NIPAL2: variants seen among roughly 807,000 people sequenced by gnomAD.
NIPAL2 encodes the protein NIPA like domain containing 2.
NIPAL2 carries 43 observed loss-of-function variants against 48.9 expected under a neutral mutation model. That is an observed-to-expected ratio of 0.88 (90% CI 0.69 to 1.13). NIPAL2 has a LOEUF of 1.13. Ranked by LOEUF, NIPAL2 falls within the 50% of genes most tolerant of loss-of-function variation. The pLI, the probability that NIPAL2 is intolerant of heterozygous loss-of-function variation, is 0.00. For missense variants in NIPAL2, 446 were observed against 461.4 expected (o/e 0.97, Z 0.31); for synonymous variants, 167 against 174.6 (o/e 0.96, Z 0.34).
At position 98,214,337 on chromosome 8, in the gene NIPAL2, T is replaced by C. The variant is rs147983394; in HGVS notation, c.559-1836A>G. 4.9e-3 allele frequency among the ~76,000 whole-genome samples: 749 copies of C among 152,260 alleles called. 25 individuals are homozygous for C. Among genetic ancestry groups the C allele is most frequent in the East Asian group, 0.035 (182 of 5,168 alleles). ...CGCCACCACGCCCGGCTAATTTTTGTATTTTTAGTAGAGACAGGGTTTTGC... is the reference window on the plus strand; with the variant it reads ...CGCCACCACGCCCGGCTAATTTTTGCATTTTTAGTAGAGACAGGGTTTTGC... On this transcript the variant is annotated intron_variant, in intron 5 of 10. Coordinates refer to ENST00000430223, the MANE Select transcript of NIPAL2 (RefSeq NM_001321635.2).
At chr8:98,232,309 G>A (rs1482822216) in intron 4 of NIPAL2, among the ~76,000 whole-genome samples, 2 of 152,132 alleles carry the variant, frequency 1.3e-5, no homozygotes, top group Non-Finnish European at 2.9e-5. Context: ...TGTGACTTAT[G>A]AGTTACATAG....
intron 4 of NIPAL2, among the ~76,000 whole-genome samples, chr8:98,232,642 C>T (rs1463925641): frequency 6.6e-6 from 1 of 151,974 alleles, no homozygotes; most frequent in Non-Finnish European, 1.5e-5. Flanking sequence ...ATTTATATAA[C>T]TTGGCAAAGG....
chr8:98,197,503 A>T (rs1156607004), intron 8 of NIPAL2, among the ~76,000 whole-genome samples: 3 of 152,208 alleles, frequency 2.0e-5, no homozygotes, highest in Non-Finnish European at 4.4e-5. Flanking sequence ...TGCCACATCG[A>T]TTAACTCTTT....
chr8:98,198,183 T>A (rs1810638176), intron 8 of NIPAL2, among the ~76,000 whole-genome samples: 1 of 152,188 alleles, frequency 6.6e-6, no homozygotes, highest in African/African-American at 2.4e-5. Context: ...CCACAAGAGC[T>A]CTTGGGTGAT....
intron 1 of NIPAL2, among the ~76,000 whole-genome samples, chr8:98,288,875 C>G (rs1816342705): frequency 6.6e-6 from 1 of 152,172 alleles, no homozygotes; most frequent in Non-Finnish European, 1.5e-5. Flanking sequence ...CACACAAACC[C>G]TCCCTTTCCC....
chr8:98,220,764 TC>T (rs1811813175), intron 5 of NIPAL2, among the ~76,000 whole-genome samples: 1 of 152,134 alleles, frequency 6.6e-6, no homozygotes, highest in Non-Finnish European at 1.5e-5. Context: ...GGTTAAATAC[TC>T]AGCTAGACTA....
chr8:98,285,756 C>T (rs185766910), intron 1 of NIPAL2, among the ~76,000 whole-genome samples: 1 of 151,894 alleles, frequency 6.6e-6, no homozygotes, highest in East Asian at 1.9e-4. Flanking sequence ...AACTTGCAAC[C>T]TAAAGCCTCT....
At chr8:98,206,377 A>C (rs1220371706) in intron 6 of NIPAL2, among the ~76,000 whole-genome samples, 1 of 152,086 alleles carries the variant, frequency 6.6e-6, no homozygotes, top group Non-Finnish European at 1.5e-5. Context: ...TTAAAACAGC[A>C]AGTGGTGGCC....
At chr8:98,285,849 A>G (rs1483118388) in intron 1 of NIPAL2, among the ~76,000 whole-genome samples, 1 of 152,204 alleles carries the variant, frequency 6.6e-6, no homozygotes, top group Non-Finnish European at 1.5e-5. Context: ...TAAAGAAATC[A>G]GGTCAATAGT....
intron 1 of NIPAL2, among the ~76,000 whole-genome samples, chr8:98,283,697 A>G (rs2130907480): frequency 6.6e-6 from 1 of 152,318 alleles, no homozygotes; most frequent in Middle Eastern, 3.4e-3. Context: ...TGTCAGCTGC[A>G]ATGCTCTACC....
intron 3 of NIPAL2, among the ~76,000 whole-genome samples, chr8:98,242,942 A>T (rs116117933): frequency 0.015 from 2,243 of 152,330 alleles, 43 homozygotes; most frequent in African/African-American, 0.05. Context: ...AAACAATTTT[A>T]AAAATTACGT....
At chr8:98,256,163 A>ACAGGC (rs1813878645) in intron 1 of NIPAL2, among the ~76,000 whole-genome samples, 1 of 152,058 alleles carries the variant, frequency 6.6e-6, no homozygotes, top group Non-Finnish European at 1.5e-5. Flanking sequence ...AGCTGGAACC[A>ACAGGC]CAGGCGTGCA....
chr8:98,204,679 G>A (rs1810946782), intron 7 of NIPAL2, among the ~76,000 whole-genome samples: 2 of 152,168 alleles, frequency 1.3e-5, no homozygotes, highest in South Asian at 4.2e-4. Flanking sequence ...CCGGCCAAAT[G>A]TCTGGTTTCG....
chr8:98,277,928 A>AT (rs1418250735), intron 1 of NIPAL2, among the ~76,000 whole-genome samples: 2 of 151,906 alleles, frequency 1.3e-5, no homozygotes, highest in South Asian at 4.2e-4. Flanking sequence ...CTTGCATCTT[A>AT]TTTTTTTTCT....
chr8:98,241,089 G>A (rs1812956736), intron 3 of NIPAL2, among the ~76,000 whole-genome samples: 1 of 152,178 alleles, frequency 6.6e-6, no homozygotes, highest in Non-Finnish European at 1.5e-5. Flanking sequence ...GTATTTGAGG[G>A]AAAAGAGACA....
rs1815448643 is a variant in NIPAL2 at position 98,276,192 on chromosome 8, A to T, written c.135+17811T>A. Among the ~76,000 whole-genome samples, 2 of 152,304 alleles carry T rather than the reference A, an allele frequency of 1.3e-5. 1 individual carries two copies. The highest frequency in any genetic ancestry group is 3.9e-4 in the East Asian group (2 of 5,176). ...TGTACAATGACATGTATCCACCATT[A>T]TAATATCATACAGAATAGTTTCACT... On this transcript the variant is annotated intron_variant, in intron 1 of 10. Transcript: ENST00000430223.
intron 1 of NIPAL2, among the ~76,000 whole-genome samples, chr8:98,286,574 C>A (rs544090541): frequency 6.6e-6 from 1 of 151,980 alleles, no homozygotes; most frequent in Admixed American, 6.5e-5. Flanking sequence ...TTTGGGAGTC[C>A]GAGACAGGTG....
chr8:98,262,461 A>G lies in NIPAL2; in HGVS notation c.136-8374T>C, dbSNP rs1814410457. 2.6e-5 allele frequency among the ~76,000 whole-genome samples: 4 copies of G among 152,068 alleles called. No homozygotes were observed. The South Asian group carries it at 8.3e-4, about 32-fold the overall frequency. On this transcript the variant is annotated intron_variant, in intron 1 of 10. Transcript: ENST00000430223. ...CTACCAAGCAAATGGAAAACAAAAA[A>G]AGGCAGGGGGTGCAATCCTAGTCTC...
chr8:98,259,728 G>T (rs1201662776), intron 1 of NIPAL2, among the ~76,000 whole-genome samples: 1 of 152,210 alleles, frequency 6.6e-6, no homozygotes, highest in Non-Finnish European at 1.5e-5. Context: ...CCTGCTGGGT[G>T]ATGACAGATG....
Sources: gnomAD v4.1 joint callset for allele counts (sites outside exome capture counted in the v4.1 genomes callset) on GRCh38, gnomAD v4.1.1 for gene constraint, MANE v1.5 for transcripts, NCBI Gene and HGNC (gene_info 2026-07-23, HGNC 2026-07-21) for gene names.